The following ESRRG variants were observed in gnomAD, a reference collection of about 807,000 sequenced individuals.
The protein encoded by ESRRG is estrogen related receptor gamma, also known as estrogen-related receptor gamma.
A neutral mutation model predicts 44.0 loss-of-function variants in ESRRG; 13 were observed. The ratio of observed to expected loss-of-function variants is 0.30; its 90% CI spans 0.19 to 0.47. The LOEUF is 0.47. Among genes scored for constraint, ESRRG ranks in the 20% least tolerant of loss-of-function variants. The pLI is 1.00. For synonymous variants in ESRRG, 215 were observed against 214.6 expected, an observed-to-expected ratio of 1.00 and a Z score of -0.02; for missense variants, 395 against 580.6, an observed-to-expected ratio of 0.68 and a Z score of 3.29.
At chr1:216,692,921 A>C (rs1266741279) in intron 1 of ESRRG, among the ~76,000 whole-genome samples, 1 of 152,204 alleles carries the variant, frequency 6.6e-6, no homozygotes, top group Non-Finnish European at 1.5e-5. Context: ...GTTGGTGTAA[A>C]TACACTCTTG....
chr1:216,939,878 C>G (rs1273154849), intron 1 of ESRRG, among the ~76,000 whole-genome samples: 1 of 152,140 alleles, frequency 6.6e-6, no homozygotes, highest in Non-Finnish European at 1.5e-5. Context: ...TGTATTAACA[C>G]TCCAACGAAG....
intron 2 of ESRRG, among the ~76,000 whole-genome samples, chr1:216,832,120 G>A (rs534854002): frequency 5.3e-5 from 8 of 152,184 alleles, no homozygotes; most frequent in South Asian, 2.1e-4. Flanking sequence ...ATGAGCAAGC[G>A]CTACACAATA....
Position 216,542,041 on chromosome 1 carries a change from C to T in ESRRG, c.862+22178G>A, listed in dbSNP as rs142779994. 3.7e-4 allele frequency among the ~76,000 whole-genome samples: 55 copies of T among 149,674 alleles called. No homozygotes were observed. The East Asian group carries it at 3.8e-3, about 10-fold the overall frequency. On this transcript the variant is annotated intron_variant, in intron 5 of 6. Transcript: ENST00000408911. The stretch of plus-strand genomic sequence containing the variant: ...AATTCTTCATGAAATGGATATACTA[C>T]ATTCTGTGGGTATAAGGTGTGTGTC...
chr1:216,971,963 T>G lies in ESRRG; in HGVS notation c.-105-32290A>C, dbSNP rs746781793. 5.0e-4 allele frequency among the ~76,000 whole-genome samples: 76 copies of G among 152,380 alleles called. 2 individuals are homozygous for G. Among genetic ancestry groups the G allele is most frequent in the Middle Eastern group, 3.4e-3 (1 of 294 alleles). On this transcript the variant is annotated intron_variant, in intron 1 of 7. Transcript: ENST00000359162. Reference sequence around the variant, plus strand: ...ATATTTGTAGCAGCAAATTGATTTCTGAGAGATTCATATTGATTGAGATAT... The same window carrying G: ...ATATTTGTAGCAGCAAATTGATTTCGGAGAGATTCATATTGATTGAGATAT...
intron 2 of ESRRG, among the ~76,000 whole-genome samples, chr1:216,931,485 C>T (rs916492889): frequency 1.3e-5 from 2 of 152,288 alleles, no homozygotes; most frequent in East Asian, 3.9e-4. Flanking sequence ...AGCTCCCTGA[C>T]TTGCTCTTTC....
chr1:216,770,149 G>A (rs2093320375), intron 2 of ESRRG, among the ~76,000 whole-genome samples: 1 of 152,022 alleles, frequency 6.6e-6, no homozygotes, highest in South Asian at 2.1e-4. Flanking sequence ...ACCCAATTTG[G>A]CAATAGGAAA....
chr1:216,766,682 T>A (rs1337883962), intron 2 of ESRRG, among the ~76,000 whole-genome samples: 1 of 152,064 alleles, frequency 6.6e-6, no homozygotes, highest in Non-Finnish European at 1.5e-5. Flanking sequence ...TCACTACCTA[T>A]CAAGAAGATG....
rs572460808 is a variant in ESRRG at position 216,855,826 on chromosome 1, T to C, written c.-14+83756A>G. Among the ~76,000 whole-genome samples the C allele has an allele frequency of 5.3e-5, 8 of 152,226 alleles. No homozygotes were observed. In the East Asian group the frequency reaches 1.6e-3, roughly 30 times the overall value. On this transcript the variant is annotated intron_variant, in intron 2 of 7. Transcript: ENST00000359162. ...ACAGTTCCCCGCTTGAAAATGCAGT[T>C]GTGCAAAGGACTGTGCAGAGTGTGT...
intron 1 of ESRRG, among the ~76,000 whole-genome samples, chr1:217,011,894 G>T (rs2078668670): frequency 6.6e-6 from 1 of 152,086 alleles, no homozygotes; most frequent in African/African-American, 2.4e-5. Flanking sequence ...TTAGCCCCGA[G>T]TTTTGTATAC....
chr1:217,127,317 A>T (rs1398295018), intron 1 of ESRRG, among the ~76,000 whole-genome samples: 1 of 152,176 alleles, frequency 6.6e-6, no homozygotes, highest in Non-Finnish European at 1.5e-5. Flanking sequence ...TTATGTTAGC[A>T]GTAACAAACG....
intron 1 of ESRRG, among the ~76,000 whole-genome samples, chr1:217,067,409 A>T (rs2151419305): frequency 9.6e-6 from 1 of 104,604 alleles, no homozygotes; most frequent in South Asian, 3.4e-4. Flanking sequence ...CTTCAACTGA[A>T]CATAGATAGC....
intron 1 of ESRRG, among the ~76,000 whole-genome samples, chr1:217,036,683 G>A (rs2082953115): frequency 6.6e-6 from 1 of 151,980 alleles, no homozygotes; most frequent in African/African-American, 2.4e-5. Context: ...GTTGGGAGGA[G>A]GAAAAGGACC....
intron 2 of ESRRG, among the ~76,000 whole-genome samples, chr1:216,848,626 C>T (rs915126510): frequency 7.9e-5 from 12 of 152,106 alleles, no homozygotes; most frequent in African/African-American, 2.7e-4. Flanking sequence ...CTTTCTATCA[C>T]TCCTCCAGCG....
At chr1:216,717,748 C>G (rs1043405277) in intron 1 of ESRRG, among the ~76,000 whole-genome samples, 1 of 151,588 alleles carries the variant, frequency 6.6e-6, no homozygotes, top group African/African-American at 2.4e-5. Context: ...CTATAATGTA[C>G]TTTATAGAAA....
rs369614394 is a variant in ESRRG at position 216,676,320 on chromosome 1, T to C, written c.472+756A>G. ...ATGTTATTTATAAATCTGAAATCTA[T>C]GAAGTTTGGGGTATATATCACTTAT... On this transcript the variant is annotated intron_variant, in intron 2 of 6. Coordinates refer to ENST00000408911, the MANE Select transcript of ESRRG (RefSeq NM_001438.4). Among the ~76,000 whole-genome samples the C allele has an allele frequency of 2.0e-4, 30 of 152,308 alleles. No individual in the cohort carries two copies. In the East Asian group the frequency reaches 4.4e-3, roughly 23 times the overall value.
At chr1:216,691,206 A>G (rs1480541729) in intron 1 of ESRRG, among the ~76,000 whole-genome samples, 1 of 152,188 alleles carries the variant, frequency 6.6e-6, no homozygotes, top group African/African-American at 2.4e-5. Flanking sequence ...ATAAAGAAAA[A>G]TGCAGGATTT....
intron 3 of ESRRG, among the ~76,000 whole-genome samples, chr1:216,649,320 G>T (rs2068374595): frequency 6.6e-6 from 1 of 151,792 alleles, no homozygotes; most frequent in South Asian, 2.1e-4. Flanking sequence ...ATCCTAAAAG[G>T]GCCAAAGGCT....
chr1:216,718,746 G>A (rs768566444), intron 1 of ESRRG, among the ~76,000 whole-genome samples: 5 of 152,040 alleles, frequency 3.3e-5, no homozygotes, highest in South Asian at 4.1e-4. Flanking sequence ...GGCTAGGGCC[G>A]GAGCTCATAC....
Position 217,129,116 on chromosome 1 carries a change from A to T in ESRRG, c.-230+8551T>A, listed in dbSNP as rs115651703. Among the ~76,000 whole-genome samples, 1,442 of 152,336 alleles carry T rather than the reference A, an allele frequency of 9.5e-3. 24 individuals are homozygous for T. Among genetic ancestry groups the T allele is most frequent in the African/African-American group, 0.033 (1,374 of 41,568 alleles). ...TATCTTAGGATTTAATATTCGGAAT[A>T]TATAAAGAACTCTTACAACTCAACA... On this transcript the variant is annotated intron_variant, in intron 1 of 8. Coordinates refer to the ESRRG transcript ENST00000366940.
Sources: gnomAD v4.1 joint callset for allele counts (sites outside exome capture counted in the v4.1 genomes callset) on GRCh38, gnomAD v4.1.1 for gene constraint, MANE v1.5 for transcripts, NCBI Gene and HGNC (gene_info 2026-07-23, HGNC 2026-07-21) for gene names.